CNBD1: variants seen among roughly 807,000 people sequenced by gnomAD.
CNBD1 encodes the protein cyclic nucleotide-binding domain-containing protein 1.
In CNBD1, 71 loss-of-function variants were observed where a neutral mutation model predicts 54.4. The ratio of observed to expected loss-of-function variants is 1.30; its 90% CI spans 1.08 to 1.59. CNBD1 has a LOEUF of 1.59. Among genes scored for constraint, CNBD1 ranks in the 40% most tolerant of loss-of-function variants. CNBD1 has a pLI of 0.00. For missense variants in CNBD1, 659 were observed against 518.0 expected, an observed-to-expected ratio of 1.27 and a Z score of -2.64; for synonymous variants, 182 against 170.7, an observed-to-expected ratio of 1.07 and a Z score of -0.51.
chr8:87,336,950 C>T (rs1034757072), intron 8 of CNBD1, among the ~76,000 whole-genome samples: 29 of 152,036 alleles, frequency 1.9e-4, no homozygotes, highest in African/African-American at 6.8e-4. Flanking sequence ...TAGTCAGGCC[C>T]CTCTTCTGTA....
At position 87,033,790 on chromosome 8, in the gene CNBD1, C is replaced by G. The variant is rs568451346; in HGVS notation, c.431+94036C>G. 5.9e-5 allele frequency among the ~76,000 whole-genome samples: 9 copies of G among 152,240 alleles called. No individual in the cohort carries two copies. The South Asian group carries it at 1.9e-3, about 32-fold the overall frequency. On this transcript the variant is annotated intron_variant, in intron 4 of 10. Transcript: ENST00000518476. ...AATTTGTCTGTTGTCTCTTGGTCAA[C>G]AGAAGCTGCTTCTCCTGTTAACTTG...
At chr8:87,375,587 T>A (rs1253994660) in intron 10 of CNBD1, among the ~76,000 whole-genome samples, 1 of 151,864 alleles carries the variant, frequency 6.6e-6, no homozygotes, top group Non-Finnish European at 1.5e-5. Flanking sequence ...TTTCTTAGGC[T>A]ATCATAGGAA....
chr8:87,422,966 G>C (rs1322921720), intron 2 of CNBD1, among the ~76,000 whole-genome samples: 11 of 151,806 alleles, frequency 7.2e-5, no homozygotes, highest in Non-Finnish European at 1.6e-4. Context: ...GCGGTTTGTA[G>C]TTCTCCTTGA....
At chr8:87,423,818 T>C (rs1166245452) in intron 2 of CNBD1, among the ~76,000 whole-genome samples, 4 of 152,172 alleles carry the variant, frequency 2.6e-5, no homozygotes, top group African/African-American at 9.7e-5. Flanking sequence ...ATTCCCTCTT[T>C]TTCTATTGAT....
intron 4 of CNBD1, among the ~76,000 whole-genome samples, chr8:86,949,342 G>A (rs570379625): frequency 1.3e-5 from 2 of 152,270 alleles, no homozygotes; most frequent in East Asian, 3.9e-4. Flanking sequence ...GCTTTGGGTA[G>A]TAAGGACATC....
chr8:87,278,107 A>G (rs947130298), intron 6 of CNBD1, among the ~76,000 whole-genome samples: 2 of 151,594 alleles, frequency 1.3e-5, no homozygotes, highest in Non-Finnish European at 3.0e-5. Context: ...ACTAAACTGG[A>G]AAGTTGATTA....
chr8:86,995,925 C>T (rs550558927), intron 4 of CNBD1, among the ~76,000 whole-genome samples: 1 of 152,060 alleles, frequency 6.6e-6, no homozygotes, highest in Admixed American at 6.5e-5. Flanking sequence ...TTTTTCTTGT[C>T]AAAAATCCCC....
chr8:87,178,707 G>A (rs1181383331), intron 4 of CNBD1, among the ~76,000 whole-genome samples: 1 of 152,174 alleles, frequency 6.6e-6, no homozygotes, highest in Non-Finnish European at 1.5e-5. Context: ...AGTGAGGATT[G>A]AACTAGGCTT....
intron 8 of CNBD1, among the ~76,000 whole-genome samples, chr8:87,333,814 T>A (rs973738672): frequency 1.3e-5 from 2 of 152,136 alleles, no homozygotes; most frequent in Admixed American, 1.3e-4. Flanking sequence ...TCAGGGATAT[T>A]GGCCTGAAGT....
At chr8:87,079,934 C>T (rs1810954240) in intron 4 of CNBD1, among the ~76,000 whole-genome samples, 2 of 151,846 alleles carry the variant, frequency 1.3e-5, no homozygotes, top group Admixed American at 6.6e-5. Context: ...TTTTTTCTTC[C>T]AGTTTTAAGT....
downstream of CNBD1, among the ~76,000 whole-genome samples, chr8:87,383,447 G>A (rs1811127213): frequency 6.6e-6 from 1 of 152,102 alleles, no homozygotes; most frequent in Admixed American, 6.6e-5. Context: ...TAGAGATAAA[G>A]AACTAAGGCT....
intron 2 of CNBD1, among the ~76,000 whole-genome samples, chr8:86,890,185 T>G (rs1429243595): frequency 2.6e-5 from 4 of 152,070 alleles, no homozygotes; most frequent in Non-Finnish European, 5.9e-5. Context: ...CAATAGATCT[T>G]AAAATCTTTT....
intron 4 of CNBD1, among the ~76,000 whole-genome samples, chr8:87,092,487 GTGTGTGTGTATATATA>G (rs1347817791): frequency 1.4e-5 from 2 of 146,722 alleles, no homozygotes; most frequent in African/African-American, 5.1e-5. Context: ...ATACACATAT[GTGTGTGTGTATATATA>G]TGTGTGTGTG....
chr8:87,319,030 G>T (rs1185137877), intron 8 of CNBD1, among the ~76,000 whole-genome samples: 1 of 152,138 alleles, frequency 6.6e-6, no homozygotes, highest in East Asian at 1.9e-4. Flanking sequence ...AAAATCATGG[G>T]TTCATTAAAA....
chr8:87,048,623 A>G (rs933871403), intron 4 of CNBD1, among the ~76,000 whole-genome samples: 2 of 152,096 alleles, frequency 1.3e-5, no homozygotes, highest in Non-Finnish European at 2.9e-5. Context: ...AAGTTATCTC[A>G]TTAATTAGTA....
At chr8:87,363,798 G>A (rs905913916) in intron 10 of CNBD1, among the ~76,000 whole-genome samples, 3 of 151,982 alleles carry the variant, frequency 2.0e-5, no homozygotes, top group East Asian at 3.9e-4. Flanking sequence ...CTCCCATTCT[G>A]TAGGTTGCCT....
chr8:86,961,157 C>T (rs1197633345), intron 4 of CNBD1, among the ~76,000 whole-genome samples: 1 of 152,144 alleles, frequency 6.6e-6, no homozygotes, highest in African/African-American at 2.4e-5. Flanking sequence ...CACATCTAGA[C>T]ATGTATACAT....
intron 2 of CNBD1, among the ~76,000 whole-genome samples, chr8:87,417,795 A>G (rs1435758209): frequency 6.6e-6 from 1 of 151,730 alleles, no homozygotes; most frequent in African/African-American, 2.4e-5. Flanking sequence ...TATACTTAGT[A>G]TCAATATTAG....
chr8:87,319,535 A>AG (rs1267641795), intron 8 of CNBD1, among the ~76,000 whole-genome samples: 4 of 152,122 alleles, frequency 2.6e-5, no homozygotes, highest in African/African-American at 4.8e-5. Flanking sequence ...GAAGCAAAAA[A>AG]GTAATTTTAC....
Sources: gnomAD v4.1 joint callset for allele counts (sites outside exome capture counted in the v4.1 genomes callset) on GRCh38, gnomAD v4.1.1 for gene constraint, MANE v1.5 for transcripts, NCBI Gene and HGNC (gene_info 2026-07-23, HGNC 2026-07-21) for gene names.